Variants in SPATC1 observed in about 807,000 individuals in gnomAD.
The protein encoded by SPATC1 is speriolin.
A neutral mutation model predicts 36.5 loss-of-function variants in SPATC1; 35 were observed. That is an observed-to-expected ratio of 0.96 (90% CI 0.73 to 1.27). SPATC1 has a LOEUF of 1.27. Among genes scored for constraint, SPATC1 ranks in the 50% most tolerant of loss-of-function variants. SPATC1 has a pLI of 0.00. For synonymous variants in SPATC1, 361 were observed against 353.6 expected, an observed-to-expected ratio of 1.02 and a Z score of -0.24; for missense variants, 779 against 796.0, an observed-to-expected ratio of 0.98 and a Z score of 0.26.
chr8:144,019,891 C>A (rs975168604), intron 1 of SPATC1, among the ~76,000 whole-genome samples: 1 of 149,728 alleles, frequency 6.7e-6, no homozygotes, highest in Admixed American at 6.6e-5. Context: ...CTCAGGGCCG[C>A]CTCGTCCTGC....
rs782712510 is a variant in SPATC1, at chr8:144,040,373, G to A, written c.676G>A (p.Ala226Thr). Residue 226 changes from alanine (A) to threonine (T), a missense_variant, in exon 2 of 5, where the codon GCC (alanine) becomes ACC (threonine). Transcript: ENST00000377470. The stretch of plus-strand genomic sequence containing the variant: ...CATGAGCAACCTGGTCCTGCCAGAG[G>A]CCCCAAGGCTGCGGCTGGCTGAGCC... ...NPMSNLVLPE[A>T]PRLRLAEPLR... The A allele has an allele frequency of 1.2e-6, 2 of 1,612,624 alleles. No homozygotes were observed. The highest frequency in any genetic ancestry group is 1.7e-5 in the Admixed American group (1 of 60,018).
intron 1 of SPATC1, among the ~76,000 whole-genome samples, chr8:144,039,332 C>T (rs1212642188): frequency 6.6e-6 from 1 of 152,198 alleles, no homozygotes; most frequent in East Asian, 1.9e-4. Flanking sequence ...CCAGCTCTGA[C>T]CTGCATCCCT....
intron 1 of SPATC1, among the ~76,000 whole-genome samples, chr8:144,031,036 T>C (rs932861162): frequency 2.0e-5 from 3 of 152,224 alleles, no homozygotes; most frequent in East Asian, 1.9e-4. Flanking sequence ...TTAAGTCATA[T>C]AGGAAAAATG....
chr8:144,041,381 C>G lies in SPATC1; in HGVS notation c.1446+10C>G. 6.2e-7 allele frequency: 1 copy of G among 1,605,576 alleles called. No homozygotes were observed. On this transcript the variant is annotated intron_variant, in intron 4 of 4. Transcript: ENST00000377470. ...AGAGAAGATCATCCAGGTGTGCGGC[C>G]AGGGGTCCTGCAGGGACAGGGGGCA...
chr8:144,021,204 C>T (rs1217580514), intron 1 of SPATC1, among the ~76,000 whole-genome samples: 9 of 143,340 alleles, frequency 6.3e-5, no homozygotes, highest in Admixed American at 2.1e-4. Flanking sequence ...CCCCTTAGAA[C>T]CCCCTCCCCT....
At position 144,041,247 on chromosome 8, in the gene SPATC1, C is replaced by G. The variant is rs1367618024; in HGVS notation, c.1322C>G (p.Ala441Gly). ...PENPRESKQL[A>G]WERLVGEIAF... ...GTGTCCCCAGAGTCGAAGCAGCTGG[C>G]CTGGGAGAGGCTGGTGGGTGAGATT... Residue 441 changes from alanine (A) to glycine (G), a missense_variant, in exon 4 of 5, where the codon GCC (alanine) becomes GGC (glycine). By Grantham distance (60) the Ala-to-Gly change is moderately conservative. Coordinates refer to ENST00000377470, the MANE Select transcript of SPATC1 (RefSeq NM_198572.3). The G allele has an allele frequency of 1.2e-6, 2 of 1,613,158 alleles. No homozygotes were observed. The highest frequency in any genetic ancestry group is 1.7e-6 in the Non-Finnish European group (2 of 1,179,976).
chr8:144,039,815 G>A, intron 1 of SPATC1, 94 bp from the exon 2 acceptor site: 5 of 1,350,112 alleles, frequency 3.7e-6, no homozygotes, highest in Non-Finnish European at 5.2e-6. Context: ...GGGCACTATG[G>A]CCAGGCCCTA....
At chr8:144,032,431 C>T (rs1231315602) in intron 1 of SPATC1, among the ~76,000 whole-genome samples, 1 of 152,132 alleles carries the variant, frequency 6.6e-6, no homozygotes, top group Non-Finnish European at 1.5e-5. Flanking sequence ...GTGCCCGCCA[C>T]CATGCCCAGC....
chr8:144,046,855 G>A lies in SPATC1; in HGVS notation c.1675G>A (p.Val559Met). Reference sequence around the variant, plus strand: ...CGTGGACTTCCTGCAGCGTGTGGTGGTGGAGACCGTGCACCCCGGCATGCT... The same window carrying A: ...CGTGGACTTCCTGCAGCGTGTGGTGATGGAGACCGTGCACCCCGGCATGCT... Reference protein sequence around the residue: ...YTVDFLQRVVVETVHPGMLAD... With the variant: ...YTVDFLQRVVMETVHPGMLAD... Residue 559 changes from valine (V) to methionine (M), a missense_variant, in exon 5 of 5, where the codon GTG becomes ATG. Transcript: ENST00000377470. The surrounding 1 kb of genome is among the most constrained non-coding windows in gnomAD (Gnocchi z 6.6). The A allele has an allele frequency of 6.2e-7, 1 of 1,601,642 alleles. No individual in the cohort carries two copies. Among genetic ancestry groups the A allele is most frequent in the East Asian group, 2.2e-5 (1 of 44,880 alleles).
In SPATC1 at chr8:144,040,306, T is replaced by G. The variant is rs1554755582; in HGVS notation, c.609T>G (p.Thr203=). The change falls in exon 2 of 5, where the codon ACT becomes ACG. Residue 203 remains threonine, a synonymous_variant. Coordinates refer to ENST00000377470, the MANE Select transcript of SPATC1 (RefSeq NM_198572.3). ...VSLSSPLLSS[T]ATPPGVSQNL... ...TGAGCAGCCCCCTCCTCAGCTCCAC[T>G]GCCACCCCACCAGGGGTCTCTCAGA... 1 of 1,612,652 alleles carries G rather than the reference T, an allele frequency of 6.2e-7. No homozygotes were observed. The highest frequency in any genetic ancestry group is 8.5e-7 in the Non-Finnish European group (1 of 1,179,894).
At position 144,046,808 on chromosome 8, in the gene SPATC1, C is replaced by A. The variant is rs544321627; in HGVS notation, c.1628C>A (p.Ala543Glu). ...GILRERPELA[A>E]SEGGPYTVDF... ...CTGCGAGAGCGCCCGGAGCTGGCGG[C>A]GTCTGAGGGCGGCCCCTACACCGTG... The change falls in exon 5 of 5, where the codon GCG (alanine) becomes GAG (glutamate). Residue 543 changes from alanine to glutamate, a missense_variant. Transcript: ENST00000377470. This position sits in a 1 kb window ranked among gnomAD's most constrained non-coding sequence, Gnocchi z 6.6. 3 of 1,605,736 alleles carry A rather than the reference C, an allele frequency of 1.9e-6. No homozygotes were observed. The highest frequency in any genetic ancestry group is 2.5e-6 in the Non-Finnish European group (3 of 1,179,912).
intron 1 of SPATC1, among the ~76,000 whole-genome samples, chr8:144,020,432 C>T (rs1253249578): frequency 1.3e-5 from 2 of 149,320 alleles, no homozygotes; most frequent in African/African-American, 5.0e-5. Flanking sequence ...CCCCTCAGAA[C>T]GCTCTTCTCT....
At chr8:144,041,423 G>A in intron 4 of SPATC1, 52 bp downstream of exon 4, 6 of 1,589,082 alleles carry the variant, frequency 3.8e-6, no homozygotes, top group Non-Finnish European at 5.1e-6. Context: ...CCCATGAGGG[G>A]CCGTGGGGAC....
Position 144,012,734 on chromosome 8 carries a change from GCCTCGCT to G in SPATC1, c.211+11_211+17del, listed in dbSNP as rs1834304549. ...CCTCACGCCAGAACAATGGTAAGAGGCCTCGCTCCCAAGAGAGTGAGGAGGGAAGTGG... is the reference window on the plus strand; with the variant it reads ...CCTCACGCCAGAACAATGGTAAGAGGCCCAAGAGAGTGAGGAGGGAAGTGG... On this transcript the variant is annotated intron_variant, in intron 1 of 4. Coordinates refer to ENST00000377470, the MANE Select transcript of SPATC1 (RefSeq NM_198572.3). 6.4e-6 allele frequency: 10 copies of G among 1,551,542 alleles called. No homozygotes were observed. The highest frequency in any genetic ancestry group is 2.0e-5 in the Admixed American group (1 of 50,990).
intron 1 of SPATC1, among the ~76,000 whole-genome samples, chr8:144,032,894 C>T (rs1834826453): frequency 6.6e-6 from 1 of 151,978 alleles, no homozygotes; most frequent in African/African-American, 2.4e-5. Context: ...ATAGGGATTT[C>T]CATGAGCACA....
intron 1 of SPATC1, among the ~76,000 whole-genome samples, chr8:144,014,106 G>T (rs1019205132): frequency 6.6e-6 from 1 of 152,048 alleles, no homozygotes; most frequent in African/African-American, 2.4e-5. Flanking sequence ...CAAAAAGTTA[G>T]CCAGGCGTGG....
Position 144,040,500 on chromosome 8 carries a change from G to C in SPATC1, c.766+37G>C, listed in dbSNP as rs781962187. The stretch of plus-strand genomic sequence containing the variant: ...GGTGGGTGGTGGGTGGCAGAGTGGG[G>C]GGGGGCAGAGCCCTCCCACCTCACT... On this transcript the variant is annotated intron_variant, in intron 2 of 4. Coordinates refer to ENST00000377470, the MANE Select transcript of SPATC1 (RefSeq NM_198572.3). 7 of 1,562,888 alleles carry C rather than the reference G, an allele frequency of 4.5e-6. No homozygotes were observed. In the South Asian group the frequency reaches 8.4e-5, roughly 19 times the overall value.
intron 4 of SPATC1, among the ~76,000 whole-genome samples, chr8:144,042,465 A>AT (rs2129666707): frequency 6.6e-6 from 1 of 151,134 alleles, no homozygotes; most frequent in South Asian, 2.1e-4. Context: ...GATTACAGGC[A>AT]TGAACCACCA....
At chr8:144,037,813 T>A in intron 1 of SPATC1, among the ~76,000 whole-genome samples, 1 of 143,870 alleles carries the variant, frequency 7.0e-6, no homozygotes, top group Non-Finnish European at 1.5e-5. Flanking sequence ...TAAAAATAAA[T>A]AGATTAATTA....
Sources: allele counts gnomAD v4.1 joint callset (sites outside exome capture counted in the v4.1 genomes callset), GRCh38; gene constraint gnomAD v4.1.1; non-coding constraint Gnocchi (gnomAD v3.1); transcripts MANE v1.5; gene names NCBI Gene and HGNC (gene_info 2026-07-23, HGNC 2026-07-21).